Variants in JPT1 observed in about 807,000 individuals in gnomAD.
JPT1 encodes androgen-regulated protein 2.
In JPT1, 5 loss-of-function variants were observed where a neutral mutation model predicts 17.0. That is an observed-to-expected ratio of 0.29 (90% confidence interval 0.15 to 0.62). JPT1 has a LOEUF of 0.62. Ranked by LOEUF, JPT1 falls within the 20% of genes least tolerant of loss-of-function variation. The probability of loss-of-function intolerance (pLI) is 0.85; values close to 1 mark genes in which losing one functional copy is unlikely to be tolerated. For missense variants in JPT1, 158 were observed against 188.1 expected (o/e 0.84, Z 0.94); for synonymous variants, 71 against 73.6 (o/e 0.96, Z 0.18).
At chr17:75,143,155 C>G (rs559884866) in intron 4 of JPT1, among the ~76,000 whole-genome samples, 1 of 152,322 alleles carries the variant, frequency 6.6e-6, no homozygotes, top group African/African-American at 2.4e-5. Context: ...ATCTAACAGA[C>G]GGGCCTTCTG....
intron 3 of JPT1, among the ~76,000 whole-genome samples, chr17:75,147,230 G>C (rs1010812378): frequency 2.0e-5 from 3 of 151,506 alleles, no homozygotes; most frequent in African/African-American, 7.2e-5. Flanking sequence ...GCCAGCACTA[G>C]TCTCCTGGAG....
chr17:75,149,185 T>A, intron 1 of JPT1: 2 of 475,508 alleles, frequency 4.2e-6, no homozygotes, highest in South Asian at 1.6e-5. Flanking sequence ...ACCCCGTGTC[T>A]CTATAAAAAA....
In JPT1 at chr17:75,148,639, A is replaced by T; in HGVS notation, c.89T>A (p.Phe30Tyr). 2 of 1,614,216 alleles carry T rather than the reference A, an allele frequency of 1.2e-6. No homozygotes were observed. Among genetic ancestry groups the T allele is most frequent in the Non-Finnish European group, 1.7e-6 (2 of 1,180,036 alleles). ...VLRPPGGGSN[F>Y]SLGFDEPTEQ... ...TGTTGGTTCATCAAAACCTAATGAA[A>T]AATTGGATCCACCACCTGGAGGCCG... The change falls in exon 2 of 5, where the codon TTT (phenylalanine) becomes TAT (tyrosine). Residue 30 changes from phenylalanine to tyrosine, a missense_variant. Coordinates refer to ENST00000409753, the MANE Select transcript of JPT1 (RefSeq NM_016185.4).
intron 4 of JPT1, among the ~76,000 whole-genome samples, chr17:75,138,975 GACAACTGTCACAATT>G (rs2074259769): frequency 6.6e-6 from 1 of 152,100 alleles, no homozygotes; most frequent in East Asian, 1.9e-4. Context: ...TTTTCAGAAT[GACAACTGTCACAATT>G]ATGAACTAAA....
intron 4 of JPT1, among the ~76,000 whole-genome samples, chr17:75,143,322 A>G (rs1296806174): frequency 6.6e-6 from 1 of 152,204 alleles, no homozygotes; most frequent in Non-Finnish European, 1.5e-5. Context: ...CACTTTGGAA[A>G]GCCAAAGCAG....
At chr17:75,149,513 G>A (rs1304715899) in intron 1 of JPT1, among the ~76,000 whole-genome samples, 3 of 151,948 alleles carry the variant, frequency 2.0e-5, no homozygotes, top group East Asian at 1.9e-4. Flanking sequence ...GACTACAGGC[G>A]CCCGCCACCA....
intron 4 of JPT1, among the ~76,000 whole-genome samples, chr17:75,142,055 C>A (rs914568573): frequency 1.4e-4 from 22 of 151,826 alleles, no homozygotes; most frequent in Non-Finnish European, 2.6e-4. Context: ...GGTGACAGAG[C>A]AAGGCTCTGT....
In JPT1 at chr17:75,146,911, C is replaced by A. The variant is rs949847909; in HGVS notation, c.298-227G>T. 7 of 473,406 alleles carry A rather than the reference C, an allele frequency of 1.5e-5. No homozygotes were observed. The South Asian group carries it at 1.9e-4, about 13-fold the overall frequency. 29.3% of individuals were successfully genotyped at this position (473,406 alleles called of 1,614,324 possible). A position where few individuals can be genotyped will look rare whatever the true frequency, so the allele number is the denominator to read the frequency against. ...GTGCTAGTACCACGTCTACAACAAACCCCAACATTTCCTCTGAGGACCTAA... is the reference window on the plus strand; with the variant it reads ...GTGCTAGTACCACGTCTACAACAAAACCCAACATTTCCTCTGAGGACCTAA... On this transcript the variant is annotated intron_variant, in intron 3 of 4. Coordinates refer to ENST00000409753, the MANE Select transcript of JPT1 (RefSeq NM_016185.4).
intron 1 of JPT1, 21 bp from the exon 2 acceptor site, chr17:75,148,692 T>A (rs1206619608): frequency 6.2e-7 from 1 of 1,613,268 alleles, no homozygotes; most frequent in Non-Finnish European, 8.5e-7. Flanking sequence ...TGGCAAAACA[T>A]CAACTTCAGA....
Position 75,135,870 on chromosome 17 carries a change from C to T in JPT1, c.*232G>A. The T allele has an allele frequency of 1.2e-6, 1 of 832,430 alleles. No homozygotes were observed. The highest frequency in any genetic ancestry group is 1.8e-5 in the South Asian group (1 of 54,438). The allele number at this position is 832,430 out of a possible 1,614,324, so 51.6% of individuals were successfully genotyped here. Reference sequence around the variant, plus strand: ...CTTAAAAACACAGTACTAAGTGTCACAAAGCTTTCCCTCCAATCTACTACT... The same window carrying T: ...CTTAAAAACACAGTACTAAGTGTCATAAAGCTTTCCCTCCAATCTACTACT... On this transcript the variant is annotated 3_prime_UTR_variant, in exon 5 of 5. Transcript: ENST00000409753.
At chr17:75,137,685 CT>C (rs60118585) in intron 4 of JPT1, among the ~76,000 whole-genome samples, 285 of 112,750 alleles carry the variant, frequency 2.5e-3, no homozygotes, top group African/African-American at 0.01. Context: ...CCTAGTTTTC[CT>C]TTTTTTTTTT....
chr17:75,151,189 T>G (rs1421268557), intron 1 of JPT1, among the ~76,000 whole-genome samples: 1 of 152,042 alleles, frequency 6.6e-6, no homozygotes, highest in African/African-American at 2.4e-5. Flanking sequence ...CACTTCTATC[T>G]GGGCGTGGTG....
chr17:75,142,873 C>T (rs961042536), intron 4 of JPT1: 9 of 417,284 alleles, frequency 2.2e-5, no homozygotes, highest in East Asian at 1.5e-4. Flanking sequence ...GATATACATA[C>T]GTATATGAAA....
chr17:75,144,297 G>A (rs1306295759), intron 4 of JPT1, among the ~76,000 whole-genome samples: 4 of 152,058 alleles, frequency 2.6e-5, no homozygotes, highest in Non-Finnish European at 5.9e-5. Context: ...TGAGGTGGGA[G>A]GATCACATGA....
chr17:75,154,311 G>A (rs2074600598), intron 1 of JPT1, 31 bp downstream of exon 1: 1 of 1,528,780 alleles, frequency 6.5e-7, no homozygotes, highest in East Asian at 2.6e-5. Flanking sequence ...CCTCAGCCCC[G>A]CGCGGCTCGG....
chr17:75,142,713 G>A, intron 4 of JPT1: 1 of 453,074 alleles, frequency 2.2e-6, no homozygotes, highest in Non-Finnish European at 4.4e-6. Flanking sequence ...GAAGGGAGAG[G>A]AGGGAAGAAG....
At chr17:75,146,898 C>T (rs941408746) in intron 3 of JPT1, 10 of 490,858 alleles carry the variant, frequency 2.0e-5, no homozygotes, top group South Asian at 1.0e-4. Flanking sequence ...GCTAGTACCA[C>T]GTCTACAACA....
intron 4 of JPT1, among the ~76,000 whole-genome samples, chr17:75,142,008 G>A (rs2074321059): frequency 6.6e-6 from 1 of 152,038 alleles, no homozygotes; most frequent in African/African-American, 2.4e-5. Flanking sequence ...GGCGGAGGTT[G>A]CCTTGAGCTG....
At chr17:75,146,710 T>G (rs377465598) in intron 3 of JPT1, 26 bp from the exon 4 acceptor site, 4 of 1,430,458 alleles carry the variant, frequency 2.8e-6, no homozygotes, top group Non-Finnish European at 3.9e-6. Flanking sequence ...ATTCAAAAAT[T>G]TACTTCCTAT....
Sources: gnomAD v4.1 joint callset for allele counts (sites outside exome capture counted in the v4.1 genomes callset) on GRCh38, gnomAD v4.1.1 for gene constraint, MANE v1.5 for transcripts, NCBI Gene and HGNC (gene_info 2026-07-23, HGNC 2026-07-21) for gene names.